The following TIAM1 variants were observed in gnomAD, a reference collection of about 807,000 sequenced individuals.
TIAM1 encodes the protein rho guanine nucleotide exchange factor TIAM1.
Under a neutral mutation model 163.5 loss-of-function variants are expected in TIAM1, and 65 were observed. The ratio of observed to expected loss-of-function variants is 0.40; its 90% CI spans 0.33 to 0.49. The LOEUF (loss-of-function observed/expected upper bound fraction) is 0.49, where lower values mean the gene tolerates loss of function less well. Ranked by LOEUF, TIAM1 falls within the 20% of genes least tolerant of loss-of-function variation. TIAM1 has a pLI of 0.77. For missense variants in TIAM1, 1,789 were observed against 2,044.7 expected (o/e 0.87, Z 2.41); for synonymous variants, 833 against 810.1 (o/e 1.03, Z -0.48).
At chr21:31,503,608 G>GAGGAGGGGAGGGGAGAGGAGTGGAA (rs1569393694) in intron 1 of TIAM1, among the ~76,000 whole-genome samples, 5 of 105,084 alleles carry the variant, frequency 4.8e-5, no homozygotes, top group Non-Finnish European at 1.0e-4. Flanking sequence ...GGGGAGGGGA[G>GAGGAGGGGAGGGGAGAGGAGTGGAA]GGGAGGGACC....
chr21:31,393,175 C>T (rs1247754410), intron 2 of TIAM1, among the ~76,000 whole-genome samples: 2 of 152,076 alleles, frequency 1.3e-5, no homozygotes, highest in East Asian at 1.9e-4. Flanking sequence ...AGGCTGGTCT[C>T]GAACTCCTGA....
At chr21:31,477,840 G>C (rs1227506012) in intron 1 of TIAM1, among the ~76,000 whole-genome samples, 1 of 152,190 alleles carries the variant, frequency 6.6e-6, no homozygotes, top group Non-Finnish European at 1.5e-5. Flanking sequence ...ATGGCATGAT[G>C]CTATCCTTGG....
intron 6 of TIAM1, among the ~76,000 whole-genome samples, chr21:31,226,849 C>G (rs1183570624): frequency 1.3e-5 from 2 of 151,822 alleles, no homozygotes; most frequent in Non-Finnish European, 2.9e-5. Flanking sequence ...GAGCTACTAA[C>G]ATTATTTTTC....
At chr21:31,297,010 C>T (rs1036984799) in intron 2 of TIAM1, among the ~76,000 whole-genome samples, 1 of 152,162 alleles carries the variant, frequency 6.6e-6, no homozygotes, top group African/African-American at 2.4e-5. Context: ...TCCTTGACAT[C>T]CCTTCTCCTA....
At chr21:31,298,767 T>TGTGTGTGTGTGTGTGTGTGA (rs777256501) in intron 2 of TIAM1, among the ~76,000 whole-genome samples, 2 of 125,954 alleles carry the variant, frequency 1.6e-5, no homozygotes, top group Admixed American at 1.5e-4. Context: ...TGTGTGTGTG[T>TGTGTGTGTGTGTGTGTGTGA]GAGAAACAGA....
At chr21:31,230,777 G>A (rs1031145705) in intron 6 of TIAM1, among the ~76,000 whole-genome samples, 6 of 152,072 alleles carry the variant, frequency 3.9e-5, no homozygotes, top group Middle Eastern at 3.4e-3. Flanking sequence ...CAAGTGATCC[G>A]CCAGCCTCAG....
intron 2 of TIAM1, among the ~76,000 whole-genome samples, chr21:31,445,155 C>T (rs964554700): frequency 9.0e-5 from 7 of 77,520 alleles, no homozygotes; most frequent in Non-Finnish European, 1.2e-4. Context: ...CATCAAATGT[C>T]GCAGGCTAAT....
intron 16 of TIAM1, 106 bp downstream of exon 16, chr21:31,164,856 C>T (rs553084317): frequency 9.0e-6 from 10 of 1,113,576 alleles, no homozygotes; most frequent in South Asian, 7.2e-5. Context: ...AAAAACACTT[C>T]GTCCATGGAG....
At chr21:31,482,721 A>G (rs546244828) in intron 1 of TIAM1, among the ~76,000 whole-genome samples, 4 of 152,176 alleles carry the variant, frequency 2.6e-5, no homozygotes, top group Non-Finnish European at 5.9e-5. Flanking sequence ...GCCCATGTGC[A>G]TCTGGTAAAG....
chr21:31,131,043 A>G (rs913081799), intron 23 of TIAM1, 95 bp from the exon 24 acceptor site: 2 of 1,016,996 alleles, frequency 2.0e-6, no homozygotes, highest in African/African-American at 3.2e-5. Context: ...TACAGTTATG[A>G]AGAGGACGTT....
At chr21:31,527,027 T>C (rs922362790) in intron 1 of TIAM1, among the ~76,000 whole-genome samples, 7 of 152,056 alleles carry the variant, frequency 4.6e-5, no homozygotes, top group Non-Finnish European at 8.8e-5. Context: ...TTTCCTGATC[T>C]TCCATCAAGC....
intron 15 of TIAM1, among the ~76,000 whole-genome samples, chr21:31,179,859 G>T (rs1307683465): frequency 1.3e-5 from 2 of 150,388 alleles, no homozygotes; most frequent in Non-Finnish European, 3.0e-5. Context: ...TATTTTAATA[G>T]ATTTTTAAGC....
At chr21:31,398,299 T>C (rs1305368745) in intron 2 of TIAM1, among the ~76,000 whole-genome samples, 1 of 152,132 alleles carries the variant, frequency 6.6e-6, no homozygotes, top group Non-Finnish European at 1.5e-5. Context: ...TAAAACAATC[T>C]TACTTTTTAT....
At position 31,251,982 on chromosome 21, in the gene TIAM1, G is replaced by A; in HGVS notation, c.1171C>T (p.Leu391=). The A allele has an allele frequency of 3.1e-6, 5 of 1,613,920 alleles. No individual in the cohort carries two copies. The highest frequency in any genetic ancestry group is 4.2e-6 in the Non-Finnish European group (5 of 1,179,920). ...QGVYENFRRE[L]EMSTTNSESL... is the part of the protein sequence containing the mutation. The stretch of plus-strand genomic sequence containing the variant: ...TCGCTGTTGGTGGTGCTCATCTCCA[G>A]CTCCCGCCGGAAGTTCTCGTACACC... The change falls in exon 5 of 28, where the codon CTG becomes TTG. Residue 391 remains leucine, a synonymous_variant. Transcript: ENST00000541036.
At chr21:31,393,741 G>A (rs1223329473) in intron 2 of TIAM1, among the ~76,000 whole-genome samples, 1 of 152,126 alleles carries the variant, frequency 6.6e-6, no homozygotes, top group Non-Finnish European at 1.5e-5. Context: ...AGTCACTTAA[G>A]GAGTGGTTTT....
rs544045245 is a variant in TIAM1, at chr21:31,512,787, GTTTT to G, written c.-422+46136_-422+46139del. 8.2e-4 allele frequency among the ~76,000 whole-genome samples: 120 copies of G among 145,646 alleles called. 1 individual carries two copies. The highest frequency in any genetic ancestry group is 2.7e-3 in the African/African-American group (109 of 40,866). On this transcript the variant is annotated intron_variant, in intron 1 of 28. Coordinates refer to the TIAM1 transcript ENST00000286827. ...TGCAAGCCACCATGCCTAGTTAGGT[GTTTT>G]TTTGTTTGTTTGTTTGTTTGTTTTG...
rs140630216 is a variant in TIAM1 at position 31,294,845 on chromosome 21, C to T, written c.-188-17937G>A. ...CGCACAAGCACGGGGAAGGGGGCCC[C>T]GCACACGGCCTGAACGCATGTTGGC... On this transcript the variant is annotated intron_variant, in intron 2 of 27. Coordinates refer to ENST00000541036, the MANE Select transcript of TIAM1 (RefSeq NM_001353694.2). Among the ~76,000 whole-genome samples, 47 of 152,296 alleles carry T rather than the reference C, an allele frequency of 3.1e-4. No individual in the cohort carries two copies. In the East Asian group the frequency reaches 7.7e-3, roughly 25 times the overall value.
intron 2 of TIAM1, among the ~76,000 whole-genome samples, chr21:31,310,381 C>G (rs1317157327): frequency 6.6e-6 from 1 of 152,174 alleles, no homozygotes; most frequent in East Asian, 1.9e-4. Context: ...CCACAGCCAG[C>G]CAGCTTTGGC....
chr21:31,171,062 ATT>A (rs2084491618), intron 15 of TIAM1, among the ~76,000 whole-genome samples: 3 of 119,314 alleles, frequency 2.5e-5, no homozygotes, highest in African/African-American at 8.8e-5. Context: ...AAAAAAAAAA[ATT>A]GGGGGCCATC....
Sources: gnomAD v4.1 joint callset for allele counts (sites outside exome capture counted in the v4.1 genomes callset) on GRCh38, gnomAD v4.1.1 for gene constraint, MANE v1.5 for transcripts, NCBI Gene and HGNC (gene_info 2026-07-23, HGNC 2026-07-21) for gene names.